PRUNE2: variants seen among roughly 807,000 people sequenced by gnomAD.
PRUNE2 encodes prune homolog 2 with BCH domain, also known as protein prune homolog 2.
Under a neutral mutation model 252.0 loss-of-function variants are expected in PRUNE2, and 164 were observed. The ratio of observed to expected loss-of-function variants is 0.65; its 90% CI spans 0.57 to 0.74. The LOEUF (loss-of-function observed/expected upper bound fraction) is 0.74, where lower values mean the gene tolerates loss of function less well. Ranked by LOEUF, PRUNE2 falls within the 30% of genes least tolerant of loss-of-function variation. PRUNE2 has a pLI of 0.00. For synonymous variants in PRUNE2, 1,292 were observed against 1,350.2 expected (o/e 0.96, Z 0.94); for missense variants, 3,495 against 3,711.0 (o/e 0.94, Z 1.51).
intron 6 of PRUNE2, among the ~76,000 whole-genome samples, chr9:76,813,663 G>A (rs2057503924): frequency 6.6e-6 from 1 of 152,086 alleles, no homozygotes; most frequent in African/African-American, 2.4e-5. Context: ...CATTTTTGTT[G>A]CAATTACACT....
intron 10 of PRUNE2, among the ~76,000 whole-genome samples, chr9:76,653,641 G>C (rs1848222022): frequency 2.0e-5 from 3 of 152,088 alleles, no homozygotes; most frequent in Admixed American, 2.0e-4. Context: ...TGTACGTTAA[G>C]AACTTTGTCA....
intron 1 of PRUNE2, among the ~76,000 whole-genome samples, chr9:76,874,470 C>A (rs1287517675): frequency 2.0e-5 from 3 of 152,098 alleles, no homozygotes; most frequent in African/African-American, 7.2e-5. Flanking sequence ...CTGATTCTGA[C>A]AGCCATTAAG....
chr9:76,825,433 G>T (rs921495221), intron 5 of PRUNE2, among the ~76,000 whole-genome samples: 1 of 152,152 alleles, frequency 6.6e-6, no homozygotes, highest in South Asian at 2.1e-4. Flanking sequence ...GAGCCAACTT[G>T]CTTGCTGAAG....
Position 76,866,519 on chromosome 9 carries a change from G to A in PRUNE2, c.37-12311C>T, listed in dbSNP as rs1032374778. On this transcript the variant is annotated intron_variant, in intron 1 of 18. Transcript: ENST00000376718. ...ACTTCCTACTGCCTATTCATAAGTAGAATGACAACAAGACATACGCCTGCC... is the reference window on the plus strand; with the variant it reads ...ACTTCCTACTGCCTATTCATAAGTAAAATGACAACAAGACATACGCCTGCC... Among the ~76,000 whole-genome samples, 9 of 152,154 alleles carry A rather than the reference G, an allele frequency of 5.9e-5. No individual in the cohort carries two copies. In the East Asian group the frequency reaches 7.7e-4, roughly 13 times the overall value.
At chr9:76,808,383 T>TG (rs2057127476) in intron 6 of PRUNE2, among the ~76,000 whole-genome samples, 1 of 152,232 alleles carries the variant, frequency 6.6e-6, no homozygotes, top group Admixed American at 6.5e-5. Context: ...GGATATTGTG[T>TG]GGGGATATCC....
At chr9:76,801,721 C>T (rs962015705) in intron 6 of PRUNE2, among the ~76,000 whole-genome samples, 1 of 152,126 alleles carries the variant, frequency 6.6e-6, no homozygotes, top group African/African-American at 2.4e-5. Context: ...GCATTCTCTG[C>T]TATTTTCTAT....
chr9:76,747,191 C>G (rs771056546), intron 6 of PRUNE2, among the ~76,000 whole-genome samples: 1 of 152,110 alleles, frequency 6.6e-6, no homozygotes, highest in Non-Finnish European at 1.5e-5. Flanking sequence ...AATACCGCCA[C>G]GCATCTGGTG....
At chr9:76,831,487 G>A (rs888888785) in intron 4 of PRUNE2, among the ~76,000 whole-genome samples, 1 of 151,832 alleles carries the variant, frequency 6.6e-6, no homozygotes, top group African/African-American at 2.4e-5. Flanking sequence ...ATATTTTAAA[G>A]TTTAAAATAT....
intron 4 of PRUNE2, among the ~76,000 whole-genome samples, chr9:76,843,775 C>T (rs2059527765): frequency 1.4e-5 from 2 of 144,166 alleles, no homozygotes; most frequent in Admixed American, 1.4e-4. Context: ...GTGCCTCAGG[C>T]TGGAGTGCAA....
At chr9:76,885,942 G>A (rs1176039824) in intron 1 of PRUNE2, among the ~76,000 whole-genome samples, 2 of 152,016 alleles carry the variant, frequency 1.3e-5, no homozygotes, top group Admixed American at 6.5e-5. Context: ...CACTTTGGGA[G>A]GCCAAGGTGG....
Position 76,710,589 on chromosome 9 carries a change from C to T in PRUNE2, c.1685G>A (p.Ser562Asn). Residue 562 changes from serine (S) to asparagine (N), a missense_variant, in exon 8 of 19, where the codon AGC (serine) becomes AAC (asparagine). Ser to Asn is a conservative substitution (Grantham distance 46, BLOSUM62 1). Transcript: ENST00000376718. ...SSLLSGAGKD[S>N]LVEHDEEFVQ... ...AAACTCCTCATCATGTTCCACAAGG[C>T]TATCTTTGCCAGCCCCTGACAAAAG... The T allele has an allele frequency of 6.2e-7, 1 of 1,613,780 alleles. No individual in the cohort carries two copies. The highest frequency in any genetic ancestry group is 8.5e-7 in the Non-Finnish European group (1 of 1,179,790).
intron 6 of PRUNE2, among the ~76,000 whole-genome samples, chr9:76,724,370 A>G (rs2135304541): frequency 9.3e-6 from 1 of 107,546 alleles, no homozygotes; most frequent in Non-Finnish European, 1.8e-5. Context: ...GCTACTGGGG[A>G]GGCTGGGATG....
At chr9:76,905,808 C>A in intron 1 of PRUNE2, 120 bp downstream of exon 1, 3 of 1,301,556 alleles carry the variant, frequency 2.3e-6, no homozygotes, top group Non-Finnish European at 3.3e-6. Context: ...ACAACCCGCA[C>A]ACCCTGATAA....
intron 6 of PRUNE2, among the ~76,000 whole-genome samples, chr9:76,726,101 C>G (rs2048081091): frequency 1.3e-5 from 2 of 152,180 alleles, no homozygotes. Flanking sequence ...CGGTGGGAAC[C>G]ACAGGTGGCT....
At chr9:76,745,853 A>T (rs2050057805) in intron 6 of PRUNE2, among the ~76,000 whole-genome samples, 1 of 152,090 alleles carries the variant, frequency 6.6e-6, no homozygotes, top group Non-Finnish European at 1.5e-5. Context: ...TTGTTAACTC[A>T]TCCCTCTCTC....
At chr9:76,643,428 T>A (rs554929478) in intron 12 of PRUNE2, among the ~76,000 whole-genome samples, 92 of 152,304 alleles carry the variant, frequency 6.0e-4, no homozygotes, top group African/African-American at 2.2e-3. Flanking sequence ...TGATGGGTGG[T>A]GCAAAGGAGA....
chr9:76,880,059 A>G (rs1019240050), intron 1 of PRUNE2, among the ~76,000 whole-genome samples: 1 of 151,008 alleles, frequency 6.6e-6, no homozygotes. Flanking sequence ...GACTACAGGC[A>G]CGCGCCACCA....
Position 76,846,677 on chromosome 9 carries a change from C to T in PRUNE2, c.346G>A (p.Glu116Lys). 1 of 1,612,316 alleles carries T rather than the reference C, an allele frequency of 6.2e-7. No individual in the cohort carries two copies. The highest frequency in any genetic ancestry group is 8.5e-7 in the Non-Finnish European group (1 of 1,178,514). ...TLVGSSVLAS[E>K]DKTLESAVVK... ...ACTGCTGATTCTAAAGTTTTGTCTT[C>T]ACTGTAAAGCAAATGGAGGGGAGGA... Residue 116 changes from glutamate to lysine, a missense_variant and splice_region_variant, in exon 4 of 19, where the codon GAA becomes AAA. Transcript: ENST00000376718.
chr9:76,900,826 C>G (rs56125431), intron 1 of PRUNE2, among the ~76,000 whole-genome samples: 2,031 of 152,188 alleles, frequency 0.013, 25 homozygotes, highest in Middle Eastern at 0.021. Context: ...CCCTCTACCC[C>G]CTCCCTGGAG....
Sources: allele counts gnomAD v4.1 joint callset (sites outside exome capture counted in the v4.1 genomes callset), GRCh38; gene constraint gnomAD v4.1.1; transcripts MANE v1.5; gene names NCBI Gene and HGNC (gene_info 2026-07-23, HGNC 2026-07-21).